Variants in PCMT1 observed in about 807,000 individuals in gnomAD.
PCMT1 encodes protein-L-isoaspartate (D-aspartate) O-methyltransferase, also known as protein-L-isoaspartate(D-aspartate) O-methyltransferase.
In PCMT1, 9 loss-of-function variants were observed where a neutral mutation model predicts 29.2. The ratio of observed to expected loss-of-function variants is 0.31; its 90% CI spans 0.19 to 0.54. The LOEUF is 0.54. Among genes scored for constraint, PCMT1 ranks in the 20% least tolerant of loss-of-function variants. The pLI, the probability that PCMT1 is intolerant of heterozygous loss-of-function variation, is 0.95. For synonymous variants in PCMT1, 98 were observed against 97.5 expected, an observed-to-expected ratio of 1.00 and a Z score of -0.03; for missense variants, 184 against 282.2, an observed-to-expected ratio of 0.65 and a Z score of 2.49.
At chr6:149,790,780 A>G (rs898115446) in intron 4 of PCMT1, among the ~76,000 whole-genome samples, 9 of 152,116 alleles carry the variant, frequency 5.9e-5, no homozygotes, top group Admixed American at 2.6e-4. Context: ...AGGCTTAGGC[A>G]GGCAGATCAC....
chr6:149,766,293 A>C (rs1787081901), intron 1 of PCMT1, among the ~76,000 whole-genome samples: 1 of 152,220 alleles, frequency 6.6e-6, no homozygotes. Flanking sequence ...TTGTGTGTAC[A>C]GCATTCTCTG....
At chr6:149,792,103 T>G (rs1369359879) in intron 4 of PCMT1, among the ~76,000 whole-genome samples, 1 of 151,668 alleles carries the variant, frequency 6.6e-6, no homozygotes, top group Admixed American at 6.6e-5. Context: ...TCACCTGAGG[T>G]CTGGAGTTCG....
intron 7 of PCMT1, among the ~76,000 whole-genome samples, chr6:149,806,559 C>T (rs1776019611): frequency 6.6e-6 from 1 of 152,018 alleles, no homozygotes; most frequent in South Asian, 2.1e-4. Context: ...GATTTCTGTT[C>T]TTTCAAACTT....
chr6:149,795,509 C>T (rs916655293), intron 5 of PCMT1: 2 of 423,100 alleles, frequency 4.7e-6, no homozygotes, highest in Non-Finnish European at 9.0e-6. Flanking sequence ...TTCTACTGCA[C>T]AGCCAAATAC....
At chr6:149,763,564 C>T (rs559755258) in intron 1 of PCMT1, among the ~76,000 whole-genome samples, 7 of 152,006 alleles carry the variant, frequency 4.6e-5, no homozygotes, top group East Asian at 1.9e-4. Context: ...TTCCATATGC[C>T]TTCATATCTG....
In PCMT1 at chr6:149,810,659, A is replaced by T. The variant is rs1292568847; in HGVS notation, c.*81A>T. The stretch of plus-strand genomic sequence containing the variant: ...ACATCAGCTTGACCAGTATAAAATT[A>T]CAGTGGATTGCTCATCTCAGTCCTC... On this transcript the variant is annotated 3_prime_UTR_variant, in exon 8 of 8. Coordinates refer to ENST00000464889, the MANE Select transcript of PCMT1 (RefSeq NM_001360452.2). 5.2e-6 allele frequency: 8 copies of T among 1,529,016 alleles called. No homozygotes were observed. The highest frequency in any genetic ancestry group is 7.1e-6 in the Non-Finnish European group (8 of 1,128,020). 94.7% of individuals were successfully genotyped at this position (1,529,016 alleles called of 1,614,324 possible). A position where few individuals can be genotyped will look rare whatever the true frequency, so the allele number is the denominator to read the frequency against.
In PCMT1 at chr6:149,781,445, T is replaced by C. The variant is rs1189669410; in HGVS notation, c.192+8276T>C. Among the ~76,000 whole-genome samples, 4 of 152,140 alleles carry C rather than the reference T, an allele frequency of 2.6e-5. No individual in the cohort carries two copies. In the East Asian group the frequency reaches 7.7e-4, roughly 29 times the overall value. ...TTTCACCGTGTTGGCCAGGCTGGTC[T>C]TGAACTCCTGACCTCGTGATCCGCC... On this transcript the variant is annotated intron_variant, in intron 3 of 7. Transcript: ENST00000464889.
chr6:149,767,186 A>G (rs1432377687), intron 1 of PCMT1, among the ~76,000 whole-genome samples: 2 of 152,092 alleles, frequency 1.3e-5, no homozygotes, highest in African/African-American at 4.8e-5. Context: ...CAGCCTGGGC[A>G]ACAGAGGAAG....
chr6:149,805,092 A>G (rs1775966868), intron 7 of PCMT1, among the ~76,000 whole-genome samples: 1 of 151,966 alleles, frequency 6.6e-6, no homozygotes, highest in Non-Finnish European at 1.5e-5. Flanking sequence ...AAATTTAAGA[A>G]CTAGCCAGGC....
rs143911975 is a variant in PCMT1, at chr6:149,762,436, C to G, written c.56-8726C>G. ...TTTACCCCTAATTAGCCTGTACATG[C>G]AAAGTAAAACATCAAATTACTTTTC... On this transcript the variant is annotated intron_variant, in intron 1 of 7. Transcript: ENST00000464889. Among the ~76,000 whole-genome samples, 463 of 149,192 alleles carry G rather than the reference C, an allele frequency of 3.1e-3. 4 individuals are homozygous for G. Among genetic ancestry groups the G allele is most frequent in the Middle Eastern group, 0.011 (3 of 284 alleles).
chr6:149,776,946 G>T (rs1787594996), intron 3 of PCMT1, among the ~76,000 whole-genome samples: 1 of 152,094 alleles, frequency 6.6e-6, no homozygotes, highest in Non-Finnish European at 1.5e-5. Flanking sequence ...TTTATTTCAA[G>T]ATATTTATCC....
intron 1 of PCMT1, among the ~76,000 whole-genome samples, chr6:149,763,164 GATATCTATGATA>G (rs1241543713): frequency 6.9e-5 from 3 of 43,714 alleles, no homozygotes; most frequent in Non-Finnish European, 3.2e-5. Flanking sequence ...ATATATCTAT[GATATCTATGATA>G]TATATCTATG....
chr6:149,756,115 A>G (rs1207098444), intron 1 of PCMT1, among the ~76,000 whole-genome samples: 1 of 152,170 alleles, frequency 6.6e-6, no homozygotes, highest in East Asian at 1.9e-4. Context: ...GTGAGCAGCC[A>G]CGTTTATTCT....
At chr6:149,795,850 G>C (rs1369860935) in intron 5 of PCMT1, 2 of 183,534 alleles carry the variant, frequency 1.1e-5, no homozygotes, top group African/African-American at 4.8e-5. Flanking sequence ...TATTTATCTT[G>C]GGCTTATTTG....
intron 1 of PCMT1, among the ~76,000 whole-genome samples, chr6:149,767,555 C>G (rs1450833462): frequency 2.6e-5 from 4 of 151,880 alleles, no homozygotes; most frequent in Non-Finnish European, 4.4e-5. Context: ...CAAGCTCAAG[C>G]AATCCTCCCA....
intron 7 of PCMT1, among the ~76,000 whole-genome samples, chr6:149,804,286 AGTT>A (rs1398575591): frequency 6.6e-6 from 1 of 151,984 alleles, no homozygotes; most frequent in Non-Finnish European, 1.5e-5. Flanking sequence ...TGATAAGAAG[AGTT>A]GATTTTCATT....
intron 1 of PCMT1, among the ~76,000 whole-genome samples, chr6:149,764,653 G>C (rs1209837434): frequency 6.6e-6 from 1 of 152,102 alleles, no homozygotes; most frequent in African/African-American, 2.4e-5. Flanking sequence ...GGCAGGAAGA[G>C]CACTGGAACT....
In PCMT1 at chr6:149,761,887, T is replaced by G. The variant is rs534685108; in HGVS notation, c.56-9275T>G. ...AAAGTTGAAAATCAGTAGCCATCAT[T>G]AATATTTATGACTGTATCCATACTT... On this transcript the variant is annotated intron_variant, in intron 1 of 7. Transcript: ENST00000464889. 3.9e-5 allele frequency among the ~76,000 whole-genome samples: 6 copies of G among 152,332 alleles called. 1 individual carries two copies. In the East Asian group the frequency reaches 1.2e-3, roughly 29 times the overall value.
At chr6:149,786,836 TGGC>T (rs1562415333) in intron 3 of PCMT1, among the ~76,000 whole-genome samples, 1 of 141,036 alleles carries the variant, frequency 7.1e-6, no homozygotes, top group East Asian at 2.2e-4. Context: ...CTAGATGGGA[TGGC>T]GGCTGGGCAG....
Sources: gnomAD v4.1 joint callset for allele counts (sites outside exome capture counted in the v4.1 genomes callset) on GRCh38, gnomAD v4.1.1 for gene constraint, MANE v1.5 for transcripts, NCBI Gene and HGNC (gene_info 2026-07-23, HGNC 2026-07-21) for gene names.